Variants in DYNC1I1 observed in about 807,000 individuals in gnomAD.
The protein encoded by DYNC1I1 is cytoplasmic dynein 1 intermediate chain 1.
DYNC1I1 carries 43 observed loss-of-function variants against 86.6 expected under a neutral mutation model. That is an observed-to-expected ratio of 0.50 (90% CI 0.39 to 0.64). DYNC1I1 has a LOEUF of 0.64. DYNC1I1 is among the 30% of genes least tolerant of loss of function. DYNC1I1 has a pLI of 0.00. For synonymous variants in DYNC1I1, 262 were observed against 283.7 expected (o/e 0.92, Z 0.77); for missense variants, 604 against 788.8 (o/e 0.77, Z 2.81).
At chr7:96,056,157 T>G (rs924650572) in intron 14 of DYNC1I1, 3 of 152,090 alleles carry the variant, frequency 2.0e-5, no homozygotes, top group African/African-American at 7.2e-5. Context: ...CCTGGTTGGT[T>G]TGATTTTTTT....
chr7:95,820,114 G>C (rs1795042232), intron 4 of DYNC1I1, among the ~76,000 whole-genome samples: 1 of 152,184 alleles, frequency 6.6e-6, no homozygotes, highest in Non-Finnish European at 1.5e-5. Context: ...TTAGCCAACA[G>C]ATGGAAAATT....
chr7:96,090,096 G>A (rs1412568325), intron 16 of DYNC1I1, among the ~76,000 whole-genome samples: 1 of 152,040 alleles, frequency 6.6e-6, no homozygotes. Context: ...TTTGGGCAGA[G>A]AAATAGATTG....
At chr7:96,002,444 G>A (rs1430576306) in intron 10 of DYNC1I1, among the ~76,000 whole-genome samples, 2 of 152,158 alleles carry the variant, frequency 1.3e-5, no homozygotes, top group African/African-American at 2.4e-5. Flanking sequence ...ACACAGCCTG[G>A]AATTATAATT....
At position 95,920,266 on chromosome 7, in the gene DYNC1I1, C is replaced by T. The variant is rs544817137; in HGVS notation, c.490+50268C>T. Reference sequence around the variant, plus strand: ...TCTTCCTCCCCCACACCCACAAACCCCGTCTAATCATGAGAAAAACATCAC... The same window carrying T: ...TCTTCCTCCCCCACACCCACAAACCTCGTCTAATCATGAGAAAAACATCAC... On this transcript the variant is annotated intron_variant, in intron 6 of 16. Coordinates refer to ENST00000447467, the MANE Select transcript of DYNC1I1 (RefSeq NM_001135556.2). Among the ~76,000 whole-genome samples, 3 of 152,252 alleles carry T rather than the reference C, an allele frequency of 2.0e-5. 1 individual carries two copies. The highest frequency in any genetic ancestry group is 6.5e-5 in the Admixed American group (1 of 15,290).
intron 6 of DYNC1I1, among the ~76,000 whole-genome samples, chr7:95,909,293 G>A (rs565461447): frequency 6.7e-6 from 1 of 149,496 alleles, no homozygotes; most frequent in Non-Finnish European, 1.5e-5. Flanking sequence ...GATATTTTTC[G>A]AACTCTAGCA....
chr7:95,801,217 A>G (rs1049909612), intron 1 of DYNC1I1, among the ~76,000 whole-genome samples: 4 of 152,230 alleles, frequency 2.6e-5, no homozygotes, highest in Non-Finnish European at 2.9e-5. Flanking sequence ...TATTTGGATC[A>G]TCACTACCTA....
In DYNC1I1 at chr7:96,078,879, G is replaced by A. The variant is rs189800436; in HGVS notation, c.1651-1484G>A. Among the ~76,000 whole-genome samples, 385 of 152,222 alleles carry A rather than the reference G, an allele frequency of 2.5e-3. 2 individuals are homozygous for A. The highest frequency in any genetic ancestry group is 4.1e-3 in the Non-Finnish European group (279 of 67,988). ...ACAGTCATAATAAAGTGTATTGACAGCATTATGATCCATCTAAATTCACAT... is the reference window on the plus strand; with the variant it reads ...ACAGTCATAATAAAGTGTATTGACAACATTATGATCCATCTAAATTCACAT... On this transcript the variant is annotated intron_variant, in intron 15 of 16. Transcript: ENST00000447467.
At chr7:96,003,445 C>T (rs949444641) in intron 10 of DYNC1I1, among the ~76,000 whole-genome samples, 1 of 152,168 alleles carries the variant, frequency 6.6e-6, no homozygotes, top group African/African-American at 2.4e-5. Flanking sequence ...TCATTTAATA[C>T]CAGTTTAGCA....
chr7:96,064,210 A>ATCTCTCTCTC (rs10557179), intron 14 of DYNC1I1, among the ~76,000 whole-genome samples: 83 of 141,014 alleles, frequency 5.9e-4, no homozygotes, highest in African/African-American at 1.8e-3. Context: ...AAATATTCAT[A>ATCTCTCTCTC]TCTCTCTCTC....
At chr7:95,882,063 T>A (rs964240286) in intron 6 of DYNC1I1, among the ~76,000 whole-genome samples, 1 of 152,186 alleles carries the variant, frequency 6.6e-6, no homozygotes, top group Non-Finnish European at 1.5e-5. Flanking sequence ...TTCCTTCCTT[T>A]CCTATTTCCT....
chr7:95,807,567 A>G (rs1379966555), intron 2 of DYNC1I1, among the ~76,000 whole-genome samples: 2 of 151,912 alleles, frequency 1.3e-5, no homozygotes, highest in African/African-American at 2.4e-5. Context: ...GCTTACATAT[A>G]CCCTGATGGA....
At chr7:96,099,877 G>C (rs1230854637), downstream of DYNC1I1, among the ~76,000 whole-genome samples, 2 of 152,050 alleles carry the variant, frequency 1.3e-5, no homozygotes, top group African/African-American at 4.8e-5. Flanking sequence ...AATCAATCTT[G>C]GTCCCTGAGC....
At chr7:96,069,694 C>T (rs536214196) in intron 14 of DYNC1I1, among the ~76,000 whole-genome samples, 1 of 152,274 alleles carries the variant, frequency 6.6e-6, no homozygotes, top group South Asian at 2.1e-4. Flanking sequence ...ACACTCAATA[C>T]TAGTCAAAAC....
At chr7:95,850,995 G>C (rs546163737) in intron 5 of DYNC1I1, among the ~76,000 whole-genome samples, 21 of 152,156 alleles carry the variant, frequency 1.4e-4, no homozygotes, top group African/African-American at 4.8e-4. Context: ...CCAGGCTGGA[G>C]TACAGTGTTT....
At chr7:96,040,719 T>TG (rs376492109) in intron 14 of DYNC1I1, among the ~76,000 whole-genome samples, 13 of 151,632 alleles carry the variant, frequency 8.6e-5, no homozygotes, top group Non-Finnish European at 1.5e-4. Flanking sequence ...ATGAGTAGTT[T>TG]TTTTTTTTTT....
chr7:96,026,825 C>T (rs997783841), intron 10 of DYNC1I1, among the ~76,000 whole-genome samples: 4 of 152,128 alleles, frequency 2.6e-5, no homozygotes, highest in Non-Finnish European at 5.9e-5. Context: ...AGCCTCCTCT[C>T]CCCCTCCCTA....
chr7:95,873,158 A>T (rs930493255), intron 6 of DYNC1I1, among the ~76,000 whole-genome samples: 3 of 152,196 alleles, frequency 2.0e-5, no homozygotes, highest in African/African-American at 7.2e-5. Context: ...CTTGTGGTCA[A>T]GGTTTAATCT....
chr7:96,065,315 A>G (rs1417935235), intron 14 of DYNC1I1, among the ~76,000 whole-genome samples: 1 of 151,110 alleles, frequency 6.6e-6, no homozygotes, highest in African/African-American at 2.4e-5. Flanking sequence ...CAAATGCTCA[A>G]AATTTCCTCC....
At chr7:95,978,446 A>G (rs1360867587) in intron 7 of DYNC1I1, among the ~76,000 whole-genome samples, 2 of 152,208 alleles carry the variant, frequency 1.3e-5, no homozygotes, top group East Asian at 3.8e-4. Context: ...TTACTTTGAG[A>G]TTCTCAGCCC....
Sources: gnomAD v4.1 joint callset for allele counts (sites outside exome capture counted in the v4.1 genomes callset) on GRCh38, gnomAD v4.1.1 for gene constraint, MANE v1.5 for transcripts, NCBI Gene and HGNC (gene_info 2026-07-23, HGNC 2026-07-21) for gene names.